PCDHA6: variants seen among roughly 807,000 people sequenced by gnomAD.
PCDHA6 encodes protocadherin alpha 6.
In PCDHA6, 55 loss-of-function variants were observed where a neutral mutation model predicts 60.3. The observed-to-expected ratio is 0.91, with a 90% CI of 0.73 to 1.14. The LOEUF (loss-of-function observed/expected upper bound fraction) is 1.14. Ranked by LOEUF, PCDHA6 falls within the 50% of genes most tolerant of loss-of-function variation. The pLI, the probability that PCDHA6 is intolerant of heterozygous loss-of-function variation, is 0.00. For missense variants in PCDHA6, 1,327 were observed against 1,256.5 expected (o/e 1.06, Z -0.85); for synonymous variants, 652 against 557.9 (o/e 1.17, Z -2.38).
chr5:140,857,694 C>A (rs1554150531), intron 1 of PCDHA6: 1 of 1,597,142 alleles, frequency 6.3e-7, no homozygotes. Flanking sequence ...AGCAACTTGA[C>A]GCTGCAGGTG....
intron 3 of PCDHA6, among the ~76,000 whole-genome samples, chr5:140,985,532 G>C (rs1358120172): frequency 6.6e-6 from 1 of 152,072 alleles, no homozygotes; most frequent in African/African-American, 2.4e-5. Flanking sequence ...AAAGCTTCAC[G>C]GTGAAGATGC....
intron 1 of PCDHA6, among the ~76,000 whole-genome samples, chr5:140,973,261 C>G (rs1162687249): frequency 6.6e-6 from 1 of 152,156 alleles, no homozygotes; most frequent in African/African-American, 2.4e-5. Flanking sequence ...TCAGTGGCAC[C>G]TACTTTTATT....
At position 140,856,354 on chromosome 5, in the gene PCDHA6, C is replaced by T. The variant is rs2043948019; in HGVS notation, c.2394+25869C>T. On this transcript the variant is annotated intron_variant, in intron 1 of 3. Coordinates refer to ENST00000529310, the MANE Select transcript of PCDHA6 (RefSeq NM_018909.4). ...TGTGCGGGCGGAGCGTGGAGTGCAGCATCCACCTGGAGGTGATCGTGGACA... is the reference window on the plus strand; with the variant it reads ...TGTGCGGGCGGAGCGTGGAGTGCAGTATCCACCTGGAGGTGATCGTGGACA... The T allele has an allele frequency of 3.8e-6, 6 of 1,598,616 alleles. 1 individual carries two copies. Among genetic ancestry groups the T allele is most frequent in the African/African-American group, 2.7e-5 (2 of 74,434 alleles).
chr5:140,850,045 T>A lies in PCDHA6; in HGVS notation c.2394+19560T>A, dbSNP rs782277317. 1.9e-6 allele frequency: 3 copies of A among 1,596,208 alleles called. No individual in the cohort carries two copies. Among genetic ancestry groups the A allele is most frequent in the Non-Finnish European group, 2.6e-6 (3 of 1,167,714 alleles). On this transcript the variant is annotated intron_variant, in intron 1 of 3. Transcript: ENST00000529310. ...TCAGTGCACGCGGAGAGCGGCAAGG[T>A]GTACGCGCTGCAGCCGTTGGACCAC... is the stretch of plus-strand genomic sequence containing the variant.
chr5:140,977,433 A>G (rs939711301), intron 1 of PCDHA6, among the ~76,000 whole-genome samples: 6 of 152,218 alleles, frequency 3.9e-5, no homozygotes, highest in Non-Finnish European at 7.3e-5. Flanking sequence ...TAACACCGCT[A>G]GTAGATAATG....
intron 1 of PCDHA6, chr5:140,841,944 A>G (rs1554138658): frequency 6.2e-7 from 1 of 1,613,794 alleles, no homozygotes; most frequent in African/African-American, 1.3e-5. Context: ...GCTCCTGCGC[A>G]CCACTTATTC....
At chr5:140,870,771 C>A (rs370490786) in intron 1 of PCDHA6, 1 of 1,613,466 alleles carries the variant, frequency 6.2e-7, no homozygotes, top group Non-Finnish European at 8.5e-7. Context: ...TCGTGCTGGA[C>A]GAGAACGACA....
chr5:140,853,955 T>C (rs1554146923), intron 1 of PCDHA6: 2 of 752,526 alleles, frequency 2.7e-6, no homozygotes, highest in Non-Finnish European at 3.3e-6. Context: ...GGTCCCTTCC[T>C]TGAGCCCAGC....
At chr5:140,855,966 TAAGAA>T in intron 1 of PCDHA6, 1 of 1,422,780 alleles carries the variant, frequency 7.0e-7, no homozygotes, top group Non-Finnish European at 9.5e-7. Context: ...AAAATAGATA[TAAGAA>T]ATAGGACAGA....
At chr5:140,927,657 T>A (rs1161396429) in intron 1 of PCDHA6, 6 of 1,614,050 alleles carry the variant, frequency 3.7e-6, no homozygotes, top group Non-Finnish European at 5.1e-6. Flanking sequence ...TATTCCGAGT[T>A]CAAGCCTTGG....
At chr5:140,984,680 AT>A (rs1180119303) in intron 3 of PCDHA6, among the ~76,000 whole-genome samples, 1 of 152,158 alleles carries the variant, frequency 6.6e-6, no homozygotes, top group East Asian at 1.9e-4. Context: ...TTAGGACTCA[AT>A]ATATGTTCTG....
intron 1 of PCDHA6, chr5:140,848,505 T>G: frequency 6.3e-7 from 1 of 1,587,952 alleles, no homozygotes; most frequent in South Asian, 1.1e-5. Context: ...AATGTTATAC[T>G]CAAGTCGAGG....
At chr5:140,877,172 C>A (rs371577720) in intron 1 of PCDHA6, 1 of 1,613,818 alleles carries the variant, frequency 6.2e-7, no homozygotes. Flanking sequence ...GCACTGCTGG[C>A]GACTCCGGCT....
rs1173902795 is a variant in PCDHA6 at position 140,827,991 on chromosome 5, T to A, written c.-101T>A. 1.4e-6 allele frequency: 2 copies of A among 1,469,000 alleles called. No homozygotes were observed. Among genetic ancestry groups the A allele is most frequent in the African/African-American group, 1.4e-5 (1 of 70,858 alleles). 91.0% of individuals were successfully genotyped at this position (1,469,000 alleles called of 1,614,324 possible). On this transcript the variant is annotated 5_prime_UTR_variant, in exon 1 of 4. An upstream start codon of the reference 5' UTR is lost. Transcript: ENST00000529310. ...GCATCATTCCCTGACTGTTGAATGATGGCGGACGCAGAAGAAATGGATTAA... is the reference window on the plus strand; with the variant it reads ...GCATCATTCCCTGACTGTTGAATGAAGGCGGACGCAGAAGAAATGGATTAA...
At chr5:140,884,330 G>T in intron 1 of PCDHA6, 2 of 1,613,876 alleles carry the variant, frequency 1.2e-6, no homozygotes, top group Non-Finnish European at 1.7e-6. Context: ...AGGCGCTGTG[G>T]GTCCAGAAGC....
At chr5:140,919,014 A>G (rs1008657889) in intron 1 of PCDHA6, among the ~76,000 whole-genome samples, 1 of 152,184 alleles carries the variant, frequency 6.6e-6, no homozygotes, top group Non-Finnish European at 1.5e-5. Context: ...TTCATTTCCT[A>G]GTGATCTTCT....
At chr5:140,927,721 C>G in intron 1 of PCDHA6, 1 of 1,614,204 alleles carries the variant, frequency 6.2e-7, no homozygotes, top group Non-Finnish European at 8.5e-7. Flanking sequence ...CAACAGCACG[C>G]AAGCAGAGCT....
At position 140,890,629 on chromosome 5, in the gene PCDHA6, A is replaced by T. The variant is rs6883083; in HGVS notation, c.2394+60144A>T. On this transcript the variant is annotated intron_variant, in intron 1 of 3. Transcript: ENST00000529310. ...TAGTGCTTACCCTAGAAAATTAAGCATGTATCCTTGATATATCAAAATCAA... is the reference window on the plus strand; with the variant it reads ...TAGTGCTTACCCTAGAAAATTAAGCTTGTATCCTTGATATATCAAAATCAA... Among the ~76,000 whole-genome samples, 1,394 of 152,274 alleles carry T rather than the reference A, an allele frequency of 9.2e-3. 17 individuals are homozygous for T. Among genetic ancestry groups the T allele is most frequent in the African/African-American group, 0.032 (1,348 of 41,546 alleles).
chr5:140,928,291 G>A (rs62384489), intron 1 of PCDHA6: 1 of 1,614,142 alleles, frequency 6.2e-7, no homozygotes, highest in Non-Finnish European at 8.5e-7. Context: ...TCTAGGCCGA[G>A]TGTTTGCCCA....
Sources: allele counts gnomAD v4.1 joint callset (sites outside exome capture counted in the v4.1 genomes callset), GRCh38; gene constraint gnomAD v4.1.1; transcripts MANE v1.5; gene names NCBI Gene and HGNC (gene_info 2026-07-23, HGNC 2026-07-21).